CDK17: variants seen among roughly 807,000 people sequenced by gnomAD.
CDK17 encodes the protein cyclin-dependent kinase 17.
CDK17 carries 24 observed loss-of-function variants against 77.6 expected under a neutral mutation model. The observed-to-expected ratio is 0.31, with a 90% CI of 0.22 to 0.44. The LOEUF (loss-of-function observed/expected upper bound fraction) is 0.44. CDK17 is among the 20% of genes least tolerant of loss of function. The pLI is 1.00. For synonymous variants in CDK17, 203 were observed against 210.4 expected (o/e 0.96, Z 0.30); for missense variants, 429 against 622.5 (o/e 0.69, Z 3.31).
intron 3 of CDK17, among the ~76,000 whole-genome samples, chr12:96,322,676 A>G (rs1952838179): frequency 6.6e-6 from 1 of 152,208 alleles, no homozygotes; most frequent in Non-Finnish European, 1.5e-5. Flanking sequence ...TTTGACTATA[A>G]CTAGAACAGA....
chr12:96,373,299 A>G (rs901094174), intron 1 of CDK17, among the ~76,000 whole-genome samples: 1 of 152,196 alleles, frequency 6.6e-6, no homozygotes, highest in Non-Finnish European at 1.5e-5. Context: ...AGAGAAGGCA[A>G]TTAACAGGCC....
At chr12:96,397,817 A>G (rs1349300580) in intron 1 of CDK17, among the ~76,000 whole-genome samples, 3 of 152,198 alleles carry the variant, frequency 2.0e-5, no homozygotes, top group Non-Finnish European at 4.4e-5. Context: ...AACAATTATT[A>G]ATTATATGAC....
At chr12:96,347,471 A>G (rs1231416164) in intron 1 of CDK17, among the ~76,000 whole-genome samples, 1 of 150,706 alleles carries the variant, frequency 6.6e-6, no homozygotes, top group African/African-American at 2.4e-5. Flanking sequence ...GGAAGCTGAG[A>G]CAGGAGAATT....
At chr12:96,392,863 G>A (rs1358953848) in intron 1 of CDK17, among the ~76,000 whole-genome samples, 1 of 152,156 alleles carries the variant, frequency 6.6e-6, no homozygotes, top group African/African-American at 2.4e-5. Context: ...TGGAAAGAAG[G>A]CTGTGGACAG....
intron 1 of CDK17, among the ~76,000 whole-genome samples, chr12:96,384,232 T>C (rs1953933456): frequency 6.6e-6 from 1 of 152,104 alleles, no homozygotes; most frequent in Non-Finnish European, 1.5e-5. Context: ...GAATGGCTAT[T>C]ATTAAAAAGT....
In CDK17 at chr12:96,292,600, G is replaced by A. The variant is rs111952687; in HGVS notation, c.997+2399C>T. ...AGCCAGGGTGACAGAGCAAGACCCT[G>A]TCTCAAAACAAACAACCAAAAAACT... is the stretch of plus-strand genomic sequence containing the variant. On this transcript the variant is annotated intron_variant, in intron 10 of 16. Transcript: ENST00000261211. Among the ~76,000 whole-genome samples, 171 of 152,006 alleles carry A rather than the reference G, an allele frequency of 1.1e-3. 1 individual carries two copies. Among genetic ancestry groups the A allele is most frequent in the African/African-American group, 3.8e-3 (159 of 41,458 alleles).
At chr12:96,374,993 A>C (rs1426575431) in intron 1 of CDK17, among the ~76,000 whole-genome samples, 2 of 152,170 alleles carry the variant, frequency 1.3e-5, no homozygotes, top group East Asian at 3.9e-4. Flanking sequence ...GCGAACCTAA[A>C]TGGGCCTCAA....
chr12:96,297,276 G>A lies in CDK17; in HGVS notation c.867C>T (p.Asn289=), dbSNP rs750921078. 8.0e-5 allele frequency: 129 copies of A among 1,605,738 alleles called. No homozygotes were observed. The highest frequency in any genetic ancestry group is 3.3e-4 in the Middle Eastern group (2 of 6,008). Residue 289 remains asparagine (N), a synonymous_variant, in exon 9 of 17, where the codon AAC becomes AAT. Coordinates refer to ENST00000261211, the MANE Select transcript of CDK17 (RefSeq NM_002595.5). ...DDCGNIMSMH[N]VKLFLYQILR... Reference sequence around the variant, plus strand: ...CACACGCAAGAAAACATACCTTTACGTTGTGCATACTCATGATGTTTCCAC... The same window carrying A: ...CACACGCAAGAAAACATACCTTTACATTGTGCATACTCATGATGTTTCCAC...
intron 4 of CDK17, 38 bp downstream of exon 4, chr12:96,313,283 C>A: frequency 6.6e-7 from 1 of 1,519,700 alleles, no homozygotes; most frequent in South Asian, 1.3e-5. Context: ...TACCAACACA[C>A]ATATTCACAA....
At chr12:96,281,213 T>C (rs1952174497) in intron 15 of CDK17, among the ~76,000 whole-genome samples, 2 of 152,188 alleles carry the variant, frequency 1.3e-5, no homozygotes, top group Admixed American at 1.3e-4. Flanking sequence ...TTATACTAGG[T>C]GTTAATTCTC....
In CDK17 at chr12:96,280,013, G is replaced by A. The variant is rs375418319; in HGVS notation, c.*229C>T. On this transcript the variant is annotated 3_prime_UTR_variant, in exon 17 of 17. Transcript: ENST00000261211. ...GTTACATCAATAGCTGTAACCTACT[G>A]GCTCTAATGGCAGAGAAGACCTTAA... 2.4e-3 allele frequency: 1,074 copies of A among 439,060 alleles called. 1 individual carries two copies. The highest frequency in any genetic ancestry group is 4.1e-3 in the Admixed American group (97 of 23,854). The allele number at this position is 439,060 out of a possible 1,614,324, so 27.2% of individuals were successfully genotyped here.
chr12:96,322,964 T>A (rs1030711739), intron 3 of CDK17, among the ~76,000 whole-genome samples: 2 of 151,844 alleles, frequency 1.3e-5, no homozygotes, highest in African/African-American at 2.4e-5. Context: ...ACAGAAAAAA[T>A]CTCACTGTAG....
At chr12:96,361,471 A>G (rs1276774507) in intron 1 of CDK17, among the ~76,000 whole-genome samples, 4 of 152,228 alleles carry the variant, frequency 2.6e-5, no homozygotes, top group African/African-American at 9.6e-5. Context: ...AAGCAGTTTC[A>G]ATGGGTAAGT....
chr12:96,376,909 A>G (rs911867513), intron 1 of CDK17, among the ~76,000 whole-genome samples: 3 of 152,216 alleles, frequency 2.0e-5, no homozygotes, highest in Non-Finnish European at 4.4e-5. Flanking sequence ...TAATCAGTAG[A>G]AAAAATACTA....
chr12:96,341,584 G>GGATTATCT (rs1194008527), intron 1 of CDK17, among the ~76,000 whole-genome samples: 10 of 152,146 alleles, frequency 6.6e-5, no homozygotes, highest in Middle Eastern at 3.4e-3. Flanking sequence ...CTTCGCCTTG[G>GGATTATCT]GCTAAACTTG....
At chr12:96,367,518 G>T (rs35046054) in intron 1 of CDK17, among the ~76,000 whole-genome samples, 11,380 of 151,962 alleles carry the variant, frequency 0.075, 501 homozygotes, top group African/African-American at 0.12. Flanking sequence ...AGCAGATTCA[G>T]AACTATTATT....
chr12:96,315,701 C>G (rs1952703440), intron 3 of CDK17, among the ~76,000 whole-genome samples: 1 of 151,892 alleles, frequency 6.6e-6, no homozygotes, highest in Non-Finnish European at 1.5e-5. Context: ...TTGGTAATAC[C>G]TAGGAAGCAA....
At chr12:96,375,747 T>C (rs1017289754) in intron 1 of CDK17, among the ~76,000 whole-genome samples, 7 of 152,188 alleles carry the variant, frequency 4.6e-5, no homozygotes, top group African/African-American at 1.4e-4. Context: ...GGTTTCACGA[T>C]GTTGGCCCGG....
intron 1 of CDK17, among the ~76,000 whole-genome samples, chr12:96,361,765 T>A (rs1432001540): frequency 1.3e-5 from 2 of 152,056 alleles, no homozygotes; most frequent in African/African-American, 4.8e-5. Context: ...GGGAAAAAAA[T>A]TTTTCCCACA....
Sources: allele counts gnomAD v4.1 joint callset (sites outside exome capture counted in the v4.1 genomes callset), GRCh38; gene constraint gnomAD v4.1.1; transcripts MANE v1.5; gene names NCBI Gene and HGNC (gene_info 2026-07-23, HGNC 2026-07-21).